The following OPCML variants were observed in gnomAD, a reference collection of about 807,000 sequenced individuals.
OPCML encodes the protein opioid-binding protein/cell adhesion molecule.
Under a neutral mutation model 37.8 loss-of-function variants are expected in OPCML, and 13 were observed. The observed-to-expected ratio is 0.34, with a 90% CI of 0.22 to 0.55. The LOEUF (loss-of-function observed/expected upper bound fraction) is 0.55. Ranked by LOEUF, OPCML falls within the 20% of genes least tolerant of loss-of-function variation. The pLI is 0.91. For missense variants in OPCML, 341 were observed against 435.6 expected (o/e 0.78, Z 1.93); for synonymous variants, 176 against 168.8 (o/e 1.04, Z -0.33).
chr11:133,191,808 A>G (rs1469055933), intron 1 of OPCML, among the ~76,000 whole-genome samples: 1 of 152,078 alleles, frequency 6.6e-6, no homozygotes, highest in African/African-American at 2.4e-5. Context: ...TCCTTTTCTT[A>G]TCTCCAGCAA....
intron 3 of OPCML, among the ~76,000 whole-genome samples, chr11:132,649,278 C>A (rs1056281304): frequency 2.6e-5 from 4 of 151,298 alleles, no homozygotes; most frequent in African/African-American, 7.3e-5. Context: ...GTTTTTTTTT[C>A]TTTTTTTATA....
intron 2 of OPCML, among the ~76,000 whole-genome samples, chr11:132,751,775 A>G (rs1945843945): frequency 6.6e-6 from 1 of 152,188 alleles, no homozygotes; most frequent in African/African-American, 2.4e-5. Context: ...TGCATCTATG[A>G]GACCTCCACT....
At chr11:132,796,532 A>C (rs1382918919) in intron 2 of OPCML, among the ~76,000 whole-genome samples, 3 of 148,998 alleles carry the variant, frequency 2.0e-5, no homozygotes, top group African/African-American at 7.4e-5. Context: ...CAGCATTCTC[A>C]CTAACACTTA....
At chr11:133,255,854 A>T (rs915744113) in intron 1 of OPCML, among the ~76,000 whole-genome samples, 9 of 152,198 alleles carry the variant, frequency 5.9e-5, no homozygotes, top group African/African-American at 2.2e-4. Flanking sequence ...AAATGAGATT[A>T]TTATACATGT....
chr11:133,008,552 G>T, intron 1 of OPCML: 1 of 541,078 alleles, frequency 1.8e-6, no homozygotes, highest in Non-Finnish European at 2.4e-6. Flanking sequence ...CCTCTCTCTG[G>T]GAACTGCCCT....
chr11:132,755,495 A>G (rs1043667989), intron 2 of OPCML, among the ~76,000 whole-genome samples: 1 of 152,206 alleles, frequency 6.6e-6, no homozygotes, highest in African/African-American at 2.4e-5. Context: ...CGTGGTTGCT[A>G]TATTTCTTAC....
rs1383770481 is a variant in OPCML, at chr11:133,208,639, T to G, written c.62-265629A>C. On this transcript the variant is annotated intron_variant, in intron 1 of 7. Coordinates refer to ENST00000524381, the MANE Select transcript of OPCML (RefSeq NM_001012393.5). The surrounding 1 kb of genome is among the most constrained non-coding windows in gnomAD (Gnocchi z 8.9). The stretch of plus-strand genomic sequence containing the variant: ...ACATGCATCTCACCTCGAGTTATCC[T>G]TTGTCTGCTGTTAAGCTTCATGCAC... 6.6e-6 allele frequency among the ~76,000 whole-genome samples: 1 copy of G among 152,234 alleles called. No individual in the cohort carries two copies. The highest frequency in any genetic ancestry group is 1.5e-5 in the Non-Finnish European group (1 of 68,044).
chr11:133,303,275 A>G (rs750039016), intron 1 of OPCML, among the ~76,000 whole-genome samples: 1 of 152,156 alleles, frequency 6.6e-6, no homozygotes, highest in Non-Finnish European at 1.5e-5. Flanking sequence ...GGCATAAGGG[A>G]AGAGCAGCAC....
chr11:133,379,808 G>A (rs1223054488), intron 1 of OPCML, among the ~76,000 whole-genome samples: 1 of 152,164 alleles, frequency 6.6e-6, no homozygotes, highest in African/African-American at 2.4e-5. Context: ...TAACATTAAA[G>A]GCTCCAAATA....
intron 1 of OPCML, among the ~76,000 whole-genome samples, chr11:133,513,417 C>G (rs182859782): frequency 0.023 from 3,456 of 152,310 alleles, 56 homozygotes; most frequent in Middle Eastern, 0.054. Flanking sequence ...TGCTTTACCC[C>G]CTGTCTCCTG....
At chr11:133,387,118 G>A (rs1945072781) in intron 1 of OPCML, among the ~76,000 whole-genome samples, 1 of 152,196 alleles carries the variant, frequency 6.6e-6, no homozygotes, top group African/African-American at 2.4e-5. Context: ...CCAGGAACTT[G>A]GAGACTATTC....
In OPCML at chr11:132,657,387, T is replaced by A. The variant is rs1941762064; in HGVS notation, c.147-68A>T. ...GAGAGAGAGTGGAGAGATTATATAA[T>A]ATGGTAAATAAGACGTTGCATTTTG... On this transcript the variant is annotated intron_variant, in intron 2 of 7. Coordinates refer to ENST00000524381, the MANE Select transcript of OPCML (RefSeq NM_001012393.5). 5 of 1,547,772 alleles carry A rather than the reference T, an allele frequency of 3.2e-6. No individual in the cohort carries two copies. The East Asian group carries it at 6.9e-5, about 21-fold the overall frequency.
intron 3 of OPCML, among the ~76,000 whole-genome samples, chr11:132,623,375 CA>C (rs539434131): frequency 1.4e-4 from 21 of 150,786 alleles, no homozygotes; most frequent in African/African-American, 5.1e-4. Flanking sequence ...AAAACAACAA[CA>C]AAAAAACAGA....
At chr11:132,582,093 TCA>T (rs2096463150) in intron 3 of OPCML, among the ~76,000 whole-genome samples, 2 of 141,574 alleles carry the variant, frequency 1.4e-5, no homozygotes, top group Non-Finnish European at 3.0e-5. Flanking sequence ...GGACAACTAT[TCA>T]CACATACTTT....
chr11:133,222,543 A>T (rs1279565026), intron 1 of OPCML, among the ~76,000 whole-genome samples: 3 of 152,142 alleles, frequency 2.0e-5, no homozygotes, highest in Admixed American at 1.3e-4. Flanking sequence ...AGACAGTCTG[A>T]GCTACAGTCA....
intron 1 of OPCML, among the ~76,000 whole-genome samples, chr11:133,304,400 C>A (rs182362945): frequency 4.6e-5 from 7 of 152,286 alleles, no homozygotes; most frequent in African/African-American, 1.4e-4. Context: ...AAACAGCAGA[C>A]ACTATGCTAA....
rs541757566 is a variant in OPCML, at chr11:132,901,655, C to T, written c.146+41271G>A. On this transcript the variant is annotated intron_variant, in intron 2 of 7. Coordinates refer to ENST00000524381, the MANE Select transcript of OPCML (RefSeq NM_001012393.5). ...CTGGCCACTCCATTTTCCCCAGGCA[C>T]CGTGCTTCTCCGAGATGGGCACGGT... Among the ~76,000 whole-genome samples the T allele has an allele frequency of 6.6e-5, 10 of 152,286 alleles. No individual in the cohort carries two copies. In the East Asian group the frequency reaches 1.9e-3, roughly 29 times the overall value.
chr11:133,343,000 T>G (rs1450776361), intron 1 of OPCML, among the ~76,000 whole-genome samples: 1 of 152,148 alleles, frequency 6.6e-6, no homozygotes, highest in Non-Finnish European at 1.5e-5. Context: ...AACATCTCCC[T>G]ACATTTTTTA....
chr11:132,589,347 C>G (rs1325944011), intron 3 of OPCML, among the ~76,000 whole-genome samples: 2 of 152,168 alleles, frequency 1.3e-5, no homozygotes, highest in Non-Finnish European at 2.9e-5. Context: ...TTGAACATCT[C>G]TATTGTTATT....
Sources: allele counts gnomAD v4.1 joint callset (sites outside exome capture counted in the v4.1 genomes callset), GRCh38; gene constraint gnomAD v4.1.1; non-coding constraint Gnocchi (gnomAD v3.1); transcripts MANE v1.5; gene names NCBI Gene and HGNC (gene_info 2026-07-23, HGNC 2026-07-21).